The following BAIAP2L2 variants were observed in gnomAD, a reference collection of about 807,000 sequenced individuals.
BAIAP2L2 encodes BAR/IMD domain containing adaptor protein 2 like 2.
Under a neutral mutation model 60.4 loss-of-function variants are expected in BAIAP2L2, and 65 were observed. The ratio of observed to expected loss-of-function variants is 1.08; its 90% confidence interval spans 0.88 to 1.32. The LOEUF is 1.32. Among genes scored for constraint, BAIAP2L2 ranks in the 40% most tolerant of loss-of-function variants. The pLI, the probability that BAIAP2L2 is intolerant of heterozygous loss-of-function variation, is 0.00. For synonymous variants in BAIAP2L2, 344 were observed against 301.7 expected (o/e 1.14, Z -1.45); for missense variants, 836 against 741.2 (o/e 1.13, Z -1.48).
chr22:38,108,038 A>G (rs895133656), intron 3 of BAIAP2L2, 125 bp from the exon 4 acceptor site: 1 of 1,091,644 alleles, frequency 9.2e-7, no homozygotes, highest in African/African-American at 1.6e-5. Context: ...AAAGTCCGGG[A>G]ACTTCCCATA....
At chr22:38,103,579 A>T in intron 4 of BAIAP2L2, among the ~76,000 whole-genome samples, 1 of 152,126 alleles carries the variant, frequency 6.6e-6, no homozygotes, top group South Asian at 2.1e-4. Context: ...GAGGCTTCCA[A>T]TGGCCAGGTG....
intron 1 of BAIAP2L2, among the ~76,000 whole-genome samples, chr22:38,110,140 A>AGG (rs2086805072): frequency 9.2e-6 from 1 of 108,508 alleles, no homozygotes; most frequent in Non-Finnish European, 1.6e-5. Context: ...AGAGAGAGAG[A>AGG]GAGAGAGAGG....
rs751607675 is a variant in BAIAP2L2 at position 38,086,337 on chromosome 22, G to A, written c.1372C>T (p.Arg458Trp). The change falls in exon 12 of 14, where the codon CGG becomes TGG. Residue 458 changes from arginine to tryptophan, a missense_variant. Arg to Trp is a moderately radical substitution (Grantham distance 101, BLOSUM62 -3). Coordinates refer to ENST00000381669, the MANE Select transcript of BAIAP2L2 (RefSeq NM_025045.6). ...GGGCTGGGGGCACGGCTTGGCACCC[G>A]GCTTGGGGTGCGGGAGCGGGACTGG... ...DGQSRSRTPS[R>W]VPSRAPSPAP... The A allele has an allele frequency of 2.1e-5, 31 of 1,510,730 alleles. No homozygotes were observed. Among genetic ancestry groups the A allele is most frequent in the South Asian group, 1.2e-4 (10 of 83,630 alleles). The allele number at this position is 1,510,730 out of a possible 1,614,324, so 93.6% of individuals were successfully genotyped here.
intron 4 of BAIAP2L2, among the ~76,000 whole-genome samples, chr22:38,101,680 C>T (rs2086572663): frequency 6.6e-6 from 1 of 151,856 alleles, no homozygotes; most frequent in East Asian, 1.9e-4. Context: ...ATAGTGAAAC[C>T]CCATCTCTAC....
intron 8 of BAIAP2L2, 106 bp from the exon 9 acceptor site, chr22:38,089,337 TG>T (rs1212637459): frequency 1.9e-6 from 1 of 513,516 alleles, no homozygotes; most frequent in Non-Finnish European, 2.8e-6. Context: ...GTAGGGGTTC[TG>T]GGGGCGGAGA....
At chr22:38,110,397 T>C in intron 1 of BAIAP2L2, 78 bp downstream of exon 1, 1 of 1,446,086 alleles carries the variant, frequency 6.9e-7, no homozygotes, top group Admixed American at 1.9e-5. Context: ...CGGCTGGCCC[T>C]CCGTCCTCCA....
intron 7 of BAIAP2L2, among the ~76,000 whole-genome samples, chr22:38,094,851 G>C (rs1196886673): frequency 8.5e-6 from 1 of 118,050 alleles, no homozygotes; most frequent in Non-Finnish European, 2.0e-5. Flanking sequence ...GCGTGGGAGG[G>C]ATAAGAACCC....
At chr22:38,106,563 C>A (rs2086668937) in intron 4 of BAIAP2L2, among the ~76,000 whole-genome samples, 1 of 151,418 alleles carries the variant, frequency 6.6e-6, no homozygotes, top group Non-Finnish European at 1.5e-5. Context: ...GTTCCCCATG[C>A]CCAACTGACT....
chr22:38,085,634 C>T, intron 13 of BAIAP2L2, 52 bp downstream of exon 13: 1 of 1,580,662 alleles, frequency 6.3e-7, no homozygotes, highest in Non-Finnish European at 8.7e-7. Flanking sequence ...CAAGTGTGTG[C>T]CGCCGCACCT....
At chr22:38,100,178 C>T (rs754473650) in intron 4 of BAIAP2L2, among the ~76,000 whole-genome samples, 8 of 152,048 alleles carry the variant, frequency 5.3e-5, no homozygotes, top group East Asian at 1.9e-4. Flanking sequence ...TCTGAGGGGC[C>T]GCTTTCCGCT....
intron 4 of BAIAP2L2, among the ~76,000 whole-genome samples, chr22:38,098,917 G>A (rs1244289533): frequency 6.6e-6 from 1 of 152,178 alleles, no homozygotes; most frequent in African/African-American, 2.4e-5. Flanking sequence ...CATTCCTCCA[G>A]TTGTATACAG....
In BAIAP2L2 at chr22:38,087,168, C is replaced by T. The variant is rs2086113513; in HGVS notation, c.1215G>A (p.Met405Ile). ...PVTPMTSMTSMSPMTPMNPGN... is the reference protein window; with the variant it reads ...PVTPMTSMTSISPMTPMNPGN... ...CGGGGTTCATGGGTGTCATGGGGGA[C>T]ATGGAGGTCATGGAGGTCATGGGGG... The change falls in exon 11 of 14, where the codon ATG (methionine) becomes ATA (isoleucine). Residue 405 changes from methionine to isoleucine, a missense_variant. Transcript: ENST00000381669. The T allele has an allele frequency of 6.3e-7, 1 of 1,581,864 alleles. No individual in the cohort carries two copies. The highest frequency in any genetic ancestry group is 1.4e-5 in the African/African-American group (1 of 72,354).
rs568121546 is a variant in BAIAP2L2 at position 38,092,287 on chromosome 22, T to C, written c.613-2613A>G. Among the ~76,000 whole-genome samples the C allele has an allele frequency of 2.0e-5, 3 of 152,332 alleles. No homozygotes were observed. The South Asian group carries it at 6.2e-4, about 32-fold the overall frequency. Reference sequence around the variant, plus strand: ...CTTATTCTAAGGCTGCCTTCTTTTTTTGAGAGAGAGAGCGAGCCTTGCTCT... The same window carrying C: ...CTTATTCTAAGGCTGCCTTCTTTTTCTGAGAGAGAGAGCGAGCCTTGCTCT... On this transcript the variant is annotated intron_variant, in intron 7 of 13. Coordinates refer to ENST00000381669, the MANE Select transcript of BAIAP2L2 (RefSeq NM_025045.6).
At chr22:38,090,064 ATTAC>A (rs1380165033) in intron 7 of BAIAP2L2, 2 of 155,050 alleles carry the variant, frequency 1.3e-5, no homozygotes, top group Non-Finnish European at 2.7e-5. Flanking sequence ...ACCCAGTCCC[ATTAC>A]TTACTTACCC....
At chr22:38,093,849 C>A (rs1041397118) in intron 7 of BAIAP2L2, 27 of 455,696 alleles carry the variant, frequency 5.9e-5, no homozygotes, top group African/African-American at 5.4e-4. Flanking sequence ...CTCTTATATA[C>A]CCAAGAGAGA....
rs778728193 is a variant in BAIAP2L2 at position 38,097,096 on chromosome 22, C to A, written c.548G>T (p.Arg183Leu). The A allele has an allele frequency of 2.2e-5, 35 of 1,613,966 alleles. No homozygotes were observed. Among genetic ancestry groups the A allele is most frequent in the South Asian group, 2.2e-5 (2 of 91,082 alleles). ...GTGCTTCTCTGCTAGGAAGCGATAG[C>A]GCCGCTTCTCTTCCAATTCAGCCGC... The part of the protein sequence containing the change: ...QRAAELEEKR[R>L]YRFLAEKHLL... The change falls in exon 7 of 14, where the codon CGC becomes CTC. Residue 183 changes from arginine to leucine, a missense_variant. Physicochemically the swap from Arg to Leu is moderately radical, Grantham distance 102. Coordinates refer to ENST00000381669, the MANE Select transcript of BAIAP2L2 (RefSeq NM_025045.6).
intron 7 of BAIAP2L2, among the ~76,000 whole-genome samples, chr22:38,096,141 A>G (rs1320716806): frequency 1.3e-5 from 2 of 152,236 alleles, no homozygotes; most frequent in Non-Finnish European, 2.9e-5. Context: ...AGCAGTATTA[A>G]TATCAGACAA....
chr22:38,089,639 C>A lies in BAIAP2L2; in HGVS notation c.648G>T (p.Trp216Cys). ...TGCGGCTGGCCTCAGACTGCTCCTTCCACAGCAGCACGCGGTTCTGGAGCA... is the reference window on the plus strand; with the variant it reads ...TGCGGCTGGCCTCAGACTGCTCCTTACACAGCAGCACGCGGTTCTGGAGCA... The part of the protein sequence containing the change: ...RGMLQNRVLL[W>C]KEQSEASRSP... The change falls in exon 8 of 14, where the codon TGG becomes TGT. Residue 216 changes from tryptophan to cysteine, a missense_variant. Trp to Cys is a radical substitution (Grantham distance 215, BLOSUM62 -2). Coordinates refer to ENST00000381669, the MANE Select transcript of BAIAP2L2 (RefSeq NM_025045.6). 8.1e-7 allele frequency: 1 copy of A among 1,232,094 alleles called. No homozygotes were observed. The highest frequency in any genetic ancestry group is 1.0e-6 in the Non-Finnish European group (1 of 988,130). The allele number at this position is 1,232,094 out of a possible 1,614,324, so 76.3% of individuals were successfully genotyped here. A position where few individuals can be genotyped will look rare whatever the true frequency, so the allele number is the denominator to read the frequency against.
intron 9 of BAIAP2L2, 64 bp from the exon 10 acceptor site, chr22:38,089,028 C>T: frequency 1.4e-6 from 2 of 1,423,832 alleles, no homozygotes; most frequent in Non-Finnish European, 1.8e-6. Flanking sequence ...GCCCTCGATC[C>T]CTCCTGCTGC....
Sources: allele counts gnomAD v4.1 joint callset (sites outside exome capture counted in the v4.1 genomes callset), GRCh38; gene constraint gnomAD v4.1.1; transcripts MANE v1.5; gene names NCBI Gene and HGNC (gene_info 2026-07-23, HGNC 2026-07-21).